The following PTPRS variants were observed in gnomAD, a reference collection of about 807,000 sequenced individuals.
The protein encoded by PTPRS is receptor-type tyrosine-protein phosphatase S.
A neutral mutation model predicts 215.3 loss-of-function variants in PTPRS; 63 were observed. That is an observed-to-expected ratio of 0.29 (90% confidence interval 0.24 to 0.36). The LOEUF (loss-of-function observed/expected upper bound fraction) is 0.36, where lower values mean the gene tolerates loss of function less well. PTPRS is among the 10% of genes least tolerant of loss of function. The pLI is 1.00. For synonymous variants in PTPRS, 1,404 were observed against 1,191.4 expected, an observed-to-expected ratio of 1.18 and a Z score of -3.68; for missense variants, 2,258 against 2,825.8, an observed-to-expected ratio of 0.80 and a Z score of 4.56.
At chr19:5,216,213 G>A (rs1005919378) in intron 26 of PTPRS, among the ~76,000 whole-genome samples, 1 of 152,086 alleles carries the variant, frequency 6.6e-6, no homozygotes, top group Non-Finnish European at 1.5e-5. Context: ...CCTGGCCTGA[G>A]AGCTCTTATC....
chr19:5,260,869 T>TGGGGGGC (rs1568502820), intron 6 of PTPRS, 47 bp from the exon 7 acceptor site: 3 of 184,664 alleles, frequency 1.6e-5, no homozygotes, highest in Non-Finnish European at 2.5e-5. Flanking sequence ...AAGGCGGTTG[T>TGGGGGGC]TGGGGGGCCG....
At position 5,206,354 on chromosome 19, in the gene PTPRS, C is replaced by T; in HGVS notation, c.*420G>A. The T allele has an allele frequency of 4.3e-6, 1 of 235,230 alleles. No homozygotes were observed. Among genetic ancestry groups the T allele is most frequent in the African/African-American group, 2.2e-5 (1 of 45,236 alleles). 14.6% of individuals were successfully genotyped at this position (235,230 alleles called of 1,614,324 possible). ...AAAGAAAGCTGGATTCTGGTCCCAG[C>T]CCAGTGTCCCCAGGCTGCAGAGCGG... On this transcript the variant is annotated 3_prime_UTR_variant, in exon 38 of 38. Transcript: ENST00000262963.
chr19:5,326,462 C>T (rs867820005), intron 1 of PTPRS, among the ~76,000 whole-genome samples: 6 of 152,124 alleles, frequency 3.9e-5, no homozygotes, highest in African/African-American at 1.4e-4. Flanking sequence ...ACCAGGTTTC[C>T]GTTCACAAGA....
chr19:5,261,200 C>A (rs1599763591), intron 6 of PTPRS, among the ~76,000 whole-genome samples: 1 of 152,014 alleles, frequency 6.6e-6, no homozygotes, highest in African/African-American at 2.4e-5. Flanking sequence ...AGGTTCATCA[C>A]CCCCCCTTCC....
At chr19:5,245,146 A>ATT (rs74173042) in intron 10 of PTPRS, among the ~76,000 whole-genome samples, 140 of 136,214 alleles carry the variant, frequency 1.0e-3, no homozygotes, top group African/African-American at 3.7e-3. Context: ...CGCCCAGCTA[A>ATT]TTTTTTTTTT....
intron 17 of PTPRS, 123 bp downstream of exon 17, chr19:5,225,604 C>T: frequency 1.1e-6 from 1 of 872,984 alleles, no homozygotes. Context: ...CTTTGTCTCA[C>T]TGTTCCAGCT....
At chr19:5,332,426 C>G (rs1309357906) in intron 1 of PTPRS, among the ~76,000 whole-genome samples, 1 of 152,158 alleles carries the variant, frequency 6.6e-6, no homozygotes, top group Non-Finnish European at 1.5e-5. Context: ...TCATGCCCAG[C>G]CAAAATTGGG....
At chr19:5,252,762 T>C (rs143142199) in intron 9 of PTPRS, among the ~76,000 whole-genome samples, 4,627 of 145,524 alleles carry the variant, frequency 0.032, 231 homozygotes, top group African/African-American at 0.11. Flanking sequence ...TAATCCCAGC[T>C]ACTTGGGAGG....
chr19:5,313,681 T>C (rs929157653), intron 1 of PTPRS, among the ~76,000 whole-genome samples: 1 of 151,682 alleles, frequency 6.6e-6, no homozygotes, highest in African/African-American at 2.4e-5. Context: ...TTAGATGGAG[T>C]GGGGAGGGCC....
At chr19:5,227,612 G>A (rs1568420800) in intron 16 of PTPRS, among the ~76,000 whole-genome samples, 1 of 150,358 alleles carries the variant, frequency 6.7e-6, no homozygotes, top group African/African-American at 2.5e-5. Context: ...GTTTCACCAT[G>A]TTGGTCAGGT....
rs530034358 is a variant in PTPRS at position 5,225,989 on chromosome 19, C to T, written c.2377-145G>A. 2.3e-4 allele frequency: 154 copies of T among 671,730 alleles called. 1 individual carries two copies. Among genetic ancestry groups the T allele is most frequent in the South Asian group, 6.2e-4 (36 of 58,320 alleles). 41.6% of individuals were successfully genotyped at this position (671,730 alleles called of 1,614,324 possible). Reference sequence around the variant, plus strand: ...TGCACATGAGCTCATGCAGAGACCACGACACGTGGCATGGCCATGCTCAGA... The same window carrying T: ...TGCACATGAGCTCATGCAGAGACCATGACACGTGGCATGGCCATGCTCAGA... On this transcript the variant is annotated intron_variant, in intron 16 of 37. Transcript: ENST00000262963.
intron 10 of PTPRS, among the ~76,000 whole-genome samples, chr19:5,245,488 T>C (rs1015033048): frequency 6.6e-6 from 1 of 151,902 alleles, no homozygotes; most frequent in Non-Finnish European, 1.5e-5. Context: ...AGAAGGGGCC[T>C]GGCTATGTTG....
chr19:5,245,918 G>C lies in PTPRS; in HGVS notation c.846C>G (p.Ala282=), dbSNP rs769128497. Reference sequence around the variant, plus strand: ...TGTCATCCTCGGGGGTCAGGTCCTCGGCCCCCTGCATCCACTTCACGTATG... The same window carrying C: ...TGTCATCCTCGGGGGTCAGGTCCTCCGCCCCCTGCATCCACTTCACGTATG... ...PMPYVKWMQG[A]EDLTPEDDMP... The change falls in exon 10 of 38, where the codon GCC becomes GCG. Residue 282 remains alanine, a synonymous_variant. Coordinates refer to ENST00000262963, the MANE Select transcript of PTPRS (RefSeq NM_002850.4). The C allele has an allele frequency of 1.5e-5, 25 of 1,613,576 alleles. No individual in the cohort carries two copies. Among genetic ancestry groups the C allele is most frequent in the Non-Finnish European group, 2.0e-5 (24 of 1,179,926 alleles).
At chr19:5,329,568 A>G (rs1394587309) in intron 1 of PTPRS, among the ~76,000 whole-genome samples, 1 of 151,126 alleles carries the variant, frequency 6.6e-6, no homozygotes, top group African/African-American at 2.4e-5. Flanking sequence ...GATCAAGACC[A>G]TCCTGGCTAA....
chr19:5,236,983 TTAA>T (rs1231392160), intron 13 of PTPRS, among the ~76,000 whole-genome samples: 1 of 151,876 alleles, frequency 6.6e-6, no homozygotes, highest in African/African-American at 2.4e-5. Flanking sequence ...TGAGAAAAAC[TTAA>T]TAAAAGAAAG....
At chr19:5,216,876 C>G in intron 25 of PTPRS, 109 bp from the exon 26 acceptor site, 2 of 678,960 alleles carry the variant, frequency 2.9e-6, no homozygotes, top group Admixed American at 2.4e-5. Context: ...GGCAGAGCAA[C>G]GCGGACAACG....
At chr19:5,212,799 C>T (rs1212138070) in intron 30 of PTPRS, among the ~76,000 whole-genome samples, 3 of 151,558 alleles carry the variant, frequency 2.0e-5, no homozygotes, top group Non-Finnish European at 4.4e-5. Flanking sequence ...GCTGAGATGG[C>T]GCCACTGTAC....
Position 5,237,404 on chromosome 19 carries a change from C to T in PTPRS, c.1849+1515G>A, listed in dbSNP as rs561253822. ...TTCTCCCCAACTCCCTGTCCTGGGC[C>T]GCCCCGGAGGTTCGCGTGGCTGGGC... On this transcript the variant is annotated intron_variant, in intron 13 of 37. Transcript: ENST00000262963. This position sits in a 1 kb window ranked among gnomAD's most constrained non-coding sequence, Gnocchi z 4.2. 1.2e-4 allele frequency among the ~76,000 whole-genome samples: 19 copies of T among 152,352 alleles called. No individual in the cohort carries two copies. Among genetic ancestry groups the T allele is most frequent in the African/African-American group, 3.8e-4 (16 of 41,586 alleles).
At chr19:5,308,878 T>C (rs1387357377) in intron 1 of PTPRS, among the ~76,000 whole-genome samples, 5 of 152,212 alleles carry the variant, frequency 3.3e-5, no homozygotes, top group Non-Finnish European at 2.9e-5. Context: ...AATTTTTGTA[T>C]GTTCGTGTGT....
Sources: allele counts gnomAD v4.1 joint callset (sites outside exome capture counted in the v4.1 genomes callset), GRCh38; gene constraint gnomAD v4.1.1; non-coding constraint Gnocchi (gnomAD v3.1); transcripts MANE v1.5; gene names NCBI Gene and HGNC (gene_info 2026-07-23, HGNC 2026-07-21).